The following PSD2 variants were observed in gnomAD, a reference collection of about 807,000 sequenced individuals.
PSD2 encodes PH and SEC7 domain-containing protein 2.
Under a neutral mutation model 69.8 loss-of-function variants are expected in PSD2, and 38 were observed. That is an observed-to-expected ratio of 0.54 (90% confidence interval 0.42 to 0.71). The LOEUF (loss-of-function observed/expected upper bound fraction) is 0.71, where lower values mean the gene tolerates loss of function less well. Ranked by LOEUF, PSD2 falls within the 30% of genes least tolerant of loss-of-function variation. The pLI is 0.00. For synonymous variants in PSD2, 412 were observed against 423.0 expected (o/e 0.97, Z 0.32); for missense variants, 943 against 1,014.5 (o/e 0.93, Z 0.96).
chr5:139,766,828 C>CTTCTCTCTCTTTCTTTCTTTCT, the PSD2 span, among the ~76,000 whole-genome samples: 255 of 87,800 alleles, frequency 2.9e-3, 16 homozygotes, highest in Middle Eastern at 6.3e-3. Flanking sequence ...AAGTCCCTTC[C>CTTCTCTCTCTTTCTTTCTTTCT]TTCTTTCTTT....
At chr5:139,768,463 C>G in the PSD2 span, among the ~76,000 whole-genome samples, 1 of 152,214 alleles carries the variant, frequency 6.6e-6, no homozygotes, top group Non-Finnish European at 1.5e-5. Flanking sequence ...TGGCTCAAGT[C>G]TGTAATCCCA....
upstream of PSD2, among the ~76,000 whole-genome samples, chr5:139,794,422 A>G (rs1436146964): frequency 6.6e-6 from 1 of 152,212 alleles, no homozygotes; most frequent in Non-Finnish European, 1.5e-5. Context: ...GAGACTACGC[A>G]CAGCTCAGAT....
At chr5:139,754,251 G>A in the PSD2 span, among the ~76,000 whole-genome samples, 586 of 151,444 alleles carry the variant, frequency 3.9e-3, 2 homozygotes, top group Non-Finnish European at 5.6e-3. Context: ...GCAACATGGG[G>A]AAACCCCATC....
chr5:139,785,696 A>G, the PSD2 span, among the ~76,000 whole-genome samples: 1 of 152,242 alleles, frequency 6.6e-6, no homozygotes, highest in Non-Finnish European at 1.5e-5. Context: ...TGGCTCACCT[A>G]GAATAGTGCT....
At chr5:139,841,744 G>GAC (rs1177408874) in intron 14 of PSD2, among the ~76,000 whole-genome samples, 1 of 152,152 alleles carries the variant, frequency 6.6e-6, no homozygotes, top group Non-Finnish European at 1.5e-5. Context: ...TTTCTCTAAT[G>GAC]ACTAATGATG....
the PSD2 span, among the ~76,000 whole-genome samples, chr5:139,765,953 C>T: frequency 3.3e-5 from 5 of 152,280 alleles, no homozygotes; most frequent in South Asian, 1.0e-3. Context: ...GCGTTCGTTC[C>T]CTCTCTCTTT....
At chr5:139,798,186 A>T (rs1286484058) in intron 1 of PSD2, among the ~76,000 whole-genome samples, 1 of 151,694 alleles carries the variant, frequency 6.6e-6, no homozygotes, top group East Asian at 1.9e-4. Context: ...TGTTTGGGGG[A>T]GTTGGGTGGG....
Position 139,837,473 on chromosome 5 carries a change from A to G in PSD2, c.1666-152A>G. 1.2e-6 allele frequency: 1 copy of G among 860,700 alleles called. No homozygotes were observed. Among genetic ancestry groups the G allele is most frequent in the Non-Finnish European group, 1.8e-6 (1 of 559,968 alleles). The allele number at this position is 860,700 out of a possible 1,614,324, so 53.3% of individuals were successfully genotyped here. On this transcript the variant is annotated intron_variant, in intron 11 of 14. Transcript: ENST00000274710. The surrounding 1 kb of genome is among the most constrained non-coding windows in gnomAD (Gnocchi z 5.0). ...CAGGCCTCTGGGACAAACTGGGGTAAGGGGAGGAGTACCTGGATTCTTGTT... is the reference window on the plus strand; with the variant it reads ...CAGGCCTCTGGGACAAACTGGGGTAGGGGGAGGAGTACCTGGATTCTTGTT...
chr5:139,781,664 C>T, the PSD2 span, among the ~76,000 whole-genome samples: 1 of 130,764 alleles, frequency 7.6e-6, no homozygotes. Flanking sequence ...GATGGACTCT[C>T]ACTCTGTTGC....
chr5:139,822,251 G>T (rs1487113679), intron 6 of PSD2, among the ~76,000 whole-genome samples: 1 of 152,232 alleles, frequency 6.6e-6, no homozygotes, highest in African/African-American at 2.4e-5. Context: ...CCAGCCTCGG[G>T]ATTCAGCTCT....
At chr5:139,762,066 C>T in the PSD2 span, among the ~76,000 whole-genome samples, 1 of 152,020 alleles carries the variant, frequency 6.6e-6, no homozygotes, top group African/African-American at 2.4e-5. Flanking sequence ...TTTTTTGAGA[C>T]GGAGTCTTGC....
the PSD2 span, among the ~76,000 whole-genome samples, chr5:139,776,152 G>A: frequency 1.3e-5 from 2 of 152,212 alleles, no homozygotes; most frequent in Admixed American, 6.5e-5. Flanking sequence ...ACCTCCTGCC[G>A]CTGAGGGCTG....
chr5:139,814,470 C>A lies in PSD2; in HGVS notation c.1016+106C>A. 9.9e-7 allele frequency: 1 copy of A among 1,009,092 alleles called. No homozygotes were observed. Among genetic ancestry groups the A allele is most frequent in the Non-Finnish European group, 1.4e-6 (1 of 717,552 alleles). The allele number at this position is 1,009,092 out of a possible 1,614,324, so 62.5% of individuals were successfully genotyped here. A position where few individuals can be genotyped will look rare whatever the true frequency, so the allele number is the denominator to read the frequency against. The stretch of plus-strand genomic sequence containing the variant: ...TCAGGGGTGCCAGGTGCTGGGGGGG[C>A]ACTCCCAACAGTTCCCCAAGGACAC... On this transcript the variant is annotated intron_variant, in intron 4 of 14. Transcript: ENST00000274710. The surrounding 1 kb of genome is among the most constrained non-coding windows in gnomAD (Gnocchi z 4.4).
chr5:139,839,979 G>A lies in PSD2; in HGVS notation c.1969-48G>A, dbSNP rs1050790876. ...GGTAGAACAGGATTTGAGCCACTCC[G>A]TGACATCCTGAGAGTAAGGCCTCAC... is the stretch of plus-strand genomic sequence containing the variant. On this transcript the variant is annotated intron_variant, in intron 13 of 14. Transcript: ENST00000274710. This position sits in a 1 kb window ranked among gnomAD's most constrained non-coding sequence, Gnocchi z 5.1. 9.3e-6 allele frequency: 15 copies of A among 1,607,266 alleles called. No homozygotes were observed. The highest frequency in any genetic ancestry group is 3.3e-5 in the Admixed American group (2 of 59,882).
At chr5:139,805,295 C>G (rs1334826659) in intron 1 of PSD2, among the ~76,000 whole-genome samples, 3 of 152,370 alleles carry the variant, frequency 2.0e-5, no homozygotes, top group Non-Finnish European at 2.9e-5. Flanking sequence ...CTTTGACAAT[C>G]TAGCATTCCA....
chr5:139,838,103 T>C (rs754520554), intron 12 of PSD2, among the ~76,000 whole-genome samples: 1 of 152,212 alleles, frequency 6.6e-6, no homozygotes, highest in Non-Finnish European at 1.5e-5. Flanking sequence ...TTACGAATCA[T>C]CCTTCACTTT....
chr5:139,762,323 A>G, the PSD2 span, among the ~76,000 whole-genome samples: 1 of 151,238 alleles, frequency 6.6e-6, no homozygotes, highest in African/African-American at 2.4e-5. Flanking sequence ...GATTACAGGC[A>G]TGAACCACCA....
chr5:139,835,126 G>A (rs987160351), intron 8 of PSD2, among the ~76,000 whole-genome samples: 31 of 111,900 alleles, frequency 2.8e-4, no homozygotes, highest in African/African-American at 1.1e-3. Context: ...TCACTTACCC[G>A]CCAACCCACC....
chr5:139,842,420 G>C lies in PSD2; in HGVS notation c.2262G>C (p.Gln754His). The C allele has an allele frequency of 6.2e-7, 1 of 1,614,210 alleles. No individual in the cohort carries two copies. The highest frequency in any genetic ancestry group is 8.5e-7 in the Non-Finnish European group (1 of 1,180,038). Reference sequence around the variant, plus strand: ...CACATTCAAGCCCTGCCCTCAGCCAGGGCCATGTGACTGGCAGCAAAACCA... The same window carrying C: ...CACATTCAAGCCCTGCCCTCAGCCACGGCCATGTGACTGGCAGCAAAACCA... ...RKTHSSPALS[Q>H]GHVTGSKTTK... Residue 754 changes from glutamine (Q) to histidine (H), a missense_variant, in exon 15 of 15, where the codon CAG becomes CAC. By Grantham distance (24) the Gln-to-His change is conservative. Around this residue, in one of 3 missense-constraint regions of PSD2, gnomAD observed 165 missense variants for 168.8 expected, o/e 0.98. Transcript: ENST00000274710.
Sources: gnomAD v4.1 joint callset for allele counts (sites outside exome capture counted in the v4.1 genomes callset) on GRCh38, gnomAD v4.1.1 for gene constraint, gnomAD v4.1.1 regional missense constraint, Gnocchi (gnomAD v3.1) non-coding constraint, MANE v1.5 for transcripts, NCBI Gene and HGNC (gene_info 2026-07-23, HGNC 2026-07-21) for gene names.